Variants in PPARGC1A observed in about 807,000 individuals in gnomAD.
PPARGC1A encodes peroxisome proliferator-activated receptor gamma coactivator 1-alpha.
Under a neutral mutation model 88.7 loss-of-function variants are expected in PPARGC1A, and 25 were observed. That is an observed-to-expected ratio of 0.28 (90% CI 0.21 to 0.39). The LOEUF (loss-of-function observed/expected upper bound fraction) is 0.39. PPARGC1A is among the 10% of genes least tolerant of loss of function. The probability of loss-of-function intolerance (pLI) is 1.00; values close to 1 mark genes in which losing one functional copy is unlikely to be tolerated. For synonymous variants in PPARGC1A, 363 were observed against 355.6 expected (o/e 1.02, Z -0.24); for missense variants, 880 against 968.7 (o/e 0.91, Z 1.22).
the PPARGC1A span, among the ~76,000 whole-genome samples, chr4:23,912,593 T>C: frequency 2.0e-5 from 3 of 152,204 alleles, no homozygotes; most frequent in East Asian, 1.9e-4. Context: ...ATCCAGTCAG[T>C]TGAAGGCCTT....
chr4:24,117,458 A>C, the PPARGC1A span, among the ~76,000 whole-genome samples: 2 of 152,030 alleles, frequency 1.3e-5, no homozygotes, highest in Admixed American at 1.3e-4. Flanking sequence ...AGACAACAAC[A>C]AAAAAACTTC....
the PPARGC1A span, among the ~76,000 whole-genome samples, chr4:24,171,767 T>C: frequency 6.6e-6 from 1 of 152,264 alleles, no homozygotes; most frequent in African/African-American, 2.4e-5. Context: ...CATTCCATTT[T>C]ATGGTATTAG....
the PPARGC1A span, among the ~76,000 whole-genome samples, chr4:24,059,324 T>C: frequency 6.6e-6 from 1 of 152,218 alleles, no homozygotes; most frequent in Non-Finnish European, 1.5e-5. Context: ...AACGTATCAA[T>C]GCAAATCCAC....
chr4:23,907,103 T>A (rs976839379), upstream of PPARGC1A, among the ~76,000 whole-genome samples: 2 of 152,104 alleles, frequency 1.3e-5, no homozygotes, highest in Non-Finnish European at 2.9e-5. Flanking sequence ...TCTCCTGATA[T>A]CTTTACACTT....
At chr4:23,837,547 C>A (rs1358043459) in intron 2 of PPARGC1A, among the ~76,000 whole-genome samples, 2 of 152,142 alleles carry the variant, frequency 1.3e-5, no homozygotes, top group African/African-American at 4.8e-5. Context: ...CCAACTCCCC[C>A]CAAATACCCA....
chr4:23,912,364 C>T, the PPARGC1A span, among the ~76,000 whole-genome samples: 5 of 152,146 alleles, frequency 3.3e-5, no homozygotes. Context: ...AATCACCATG[C>T]CTATATCTTA....
the PPARGC1A span, among the ~76,000 whole-genome samples, chr4:24,363,529 C>T: frequency 6.6e-6 from 1 of 152,158 alleles, no homozygotes; most frequent in Non-Finnish European, 1.5e-5. Context: ...CCAAAAAACA[C>T]AGTGGGTGTA....
At chr4:24,216,272 C>T in the PPARGC1A span, among the ~76,000 whole-genome samples, 5 of 151,654 alleles carry the variant, frequency 3.3e-5, no homozygotes, top group East Asian at 1.9e-4. Flanking sequence ...CTCAGCCTCC[C>T]GAGTAGCTGG....
At chr4:24,321,888 G>C in the PPARGC1A span, among the ~76,000 whole-genome samples, 2 of 152,162 alleles carry the variant, frequency 1.3e-5, no homozygotes, top group African/African-American at 4.8e-5. Context: ...CACTTGCAAG[G>C]AGCAACTCTG....
the PPARGC1A span, among the ~76,000 whole-genome samples, chr4:24,119,016 A>G: frequency 1.3e-5 from 2 of 152,238 alleles, no homozygotes; most frequent in East Asian, 3.9e-4. Flanking sequence ...ATGACCTATC[A>G]AACGCATCAC....
intron 2 of PPARGC1A, among the ~76,000 whole-genome samples, chr4:23,873,933 C>T (rs1322944289): frequency 6.6e-6 from 1 of 152,180 alleles, no homozygotes; most frequent in African/African-American, 2.4e-5. Context: ...TTAGCATTCA[C>T]CCGAGAAAAG....
chr4:24,354,165 A>C, the PPARGC1A span, among the ~76,000 whole-genome samples: 1 of 152,110 alleles, frequency 6.6e-6, no homozygotes, highest in Non-Finnish European at 1.5e-5. Context: ...GGGACGTCAG[A>C]TGCTTCTCAT....
the PPARGC1A span, among the ~76,000 whole-genome samples, chr4:23,935,114 T>C: frequency 6.6e-6 from 1 of 152,164 alleles, no homozygotes; most frequent in Non-Finnish European, 1.5e-5. Flanking sequence ...TCTTGCAAAA[T>C]ACTACTGGTG....
chr4:24,287,689 T>C, the PPARGC1A span, among the ~76,000 whole-genome samples: 2 of 151,036 alleles, frequency 1.3e-5, no homozygotes, highest in Non-Finnish European at 2.9e-5. Context: ...TGGTGCACTT[T>C]CCATGGATGG....
At position 23,794,583 on chromosome 4, in the gene PPARGC1A, A is replaced by G. The variant is rs1221978788; in HGVS notation, c.*1239T>C. 2 of 152,608 alleles carry G rather than the reference A, an allele frequency of 1.3e-5. No individual in the cohort carries two copies. Among genetic ancestry groups the G allele is most frequent in the Non-Finnish European group, 2.9e-5 (2 of 68,034 alleles). 9.5% of individuals were successfully genotyped at this position (152,608 alleles called of 1,614,324 possible). A position where few individuals can be genotyped will look rare whatever the true frequency, so the allele number is the denominator to read the frequency against. ...CAGCTTCTAAATATGTTAGTGTACA[A>G]TAATTGTTTCACCTCATAATTACAT... On this transcript the variant is annotated 3_prime_UTR_variant, in exon 13 of 13. Transcript: ENST00000264867.
At chr4:23,829,763 A>G (rs1005836707) in intron 3 of PPARGC1A, 178 bp from the exon 4 acceptor site, 1 of 512,422 alleles carries the variant, frequency 2.0e-6, no homozygotes, top group African/African-American at 2.0e-5. Context: ...TTTAAAGAGT[A>G]GAAAAAAGTT....
chr4:24,052,085 G>T, the PPARGC1A span, among the ~76,000 whole-genome samples: 2 of 152,150 alleles, frequency 1.3e-5, no homozygotes, highest in African/African-American at 4.8e-5. Context: ...TTGAATATTG[G>T]ACGTATTTGG....
chr4:23,981,126 C>T, the PPARGC1A span, among the ~76,000 whole-genome samples: 4 of 151,998 alleles, frequency 2.6e-5, no homozygotes, highest in Non-Finnish European at 4.4e-5. Context: ...CACTTCTACA[C>T]ATATCTCTTT....
chr4:24,441,388 G>A, the PPARGC1A span, among the ~76,000 whole-genome samples: 3 of 152,328 alleles, frequency 2.0e-5, no homozygotes, highest in African/African-American at 4.8e-5. Context: ...CCCGTGGGGT[G>A]CTGCTGGGAG....
Sources: allele counts gnomAD v4.1 joint callset (sites outside exome capture counted in the v4.1 genomes callset), GRCh38; gene constraint gnomAD v4.1.1; transcripts MANE v1.5; gene names NCBI Gene and HGNC (gene_info 2026-07-23, HGNC 2026-07-21).